The following SKAP1 variants were observed in gnomAD, a reference collection of about 807,000 sequenced individuals.
The protein encoded by SKAP1 is src kinase associated phosphoprotein 1, also known as src kinase-associated phosphoprotein 1.
In SKAP1, 44 loss-of-function variants were observed where a neutral mutation model predicts 58.5. That is an observed-to-expected ratio of 0.75 (90% confidence interval 0.59 to 0.97). The LOEUF is 0.97. Ranked by LOEUF, SKAP1 falls within the 50% of genes least tolerant of loss-of-function variation. The pLI, the probability that SKAP1 is intolerant of heterozygous loss-of-function variation, is 0.00. For missense variants in SKAP1, 390 were observed against 435.2 expected (o/e 0.90, Z 0.92); for synonymous variants, 127 against 149.7 (o/e 0.85, Z 1.11).
At chr17:48,346,143 T>C (rs557655945) in intron 3 of SKAP1, 137 bp from the exon 4 acceptor site, 2 of 506,626 alleles carry the variant, frequency 3.9e-6, no homozygotes, top group African/African-American at 4.0e-5. Flanking sequence ...ATGATGAACA[T>C]GGCCACTATC....
chr17:48,432,066 G>A (rs2067921922), upstream of SKAP1, among the ~76,000 whole-genome samples: 1 of 152,180 alleles, frequency 6.6e-6, no homozygotes, highest in African/African-American at 2.4e-5. Context: ...TGGGGTGAGG[G>A]GACAGAGGCT....
intron 3 of SKAP1, among the ~76,000 whole-genome samples, chr17:48,354,371 T>C (rs1205068473): frequency 6.6e-6 from 1 of 152,242 alleles, no homozygotes; most frequent in Non-Finnish European, 1.5e-5. Context: ...TATCTCTTTA[T>C]TTAAAAAAAT....
chr17:48,406,817 C>T (rs2067593197), intron 1 of SKAP1, among the ~76,000 whole-genome samples: 1 of 152,092 alleles, frequency 6.6e-6, no homozygotes, highest in Non-Finnish European at 1.5e-5. Flanking sequence ...CCGCCCGCCT[C>T]GGCCTCCCAA....
intron 4 of SKAP1, among the ~76,000 whole-genome samples, chr17:48,236,686 AAGAG>A (rs1336236439): frequency 6.6e-6 from 1 of 152,228 alleles, no homozygotes; most frequent in Non-Finnish European, 1.5e-5. Flanking sequence ...ATCTTGAAGG[AAGAG>A]AAGGAATTCA....
chr17:48,169,095 A>G (rs1473929095), intron 10 of SKAP1, among the ~76,000 whole-genome samples: 2 of 112,740 alleles, frequency 1.8e-5, no homozygotes, highest in Admixed American at 1.1e-4. Context: ...GGCAGGAAGC[A>G]TGAGGAACAA....
At chr17:48,240,078 A>G (rs2065228942) in intron 4 of SKAP1, among the ~76,000 whole-genome samples, 1 of 152,174 alleles carries the variant, frequency 6.6e-6, no homozygotes, top group Non-Finnish European at 1.5e-5. Flanking sequence ...TCTGATAAAG[A>G]TTCTCAGAAT....
chr17:48,342,822 A>T (rs867992082), intron 4 of SKAP1, among the ~76,000 whole-genome samples: 83 of 152,218 alleles, frequency 5.5e-4, no homozygotes, highest in African/African-American at 1.9e-3. Context: ...CGTCTCTACT[A>T]AAAATACAAA....
At chr17:48,173,598 G>C (rs2064247135) in intron 9 of SKAP1, among the ~76,000 whole-genome samples, 1 of 152,202 alleles carries the variant, frequency 6.6e-6, no homozygotes, top group African/African-American at 2.4e-5. Flanking sequence ...ACAGAGAGCA[G>C]CTCTTTTGTT....
At chr17:48,188,741 G>A (rs1035650873) in intron 5 of SKAP1, among the ~76,000 whole-genome samples, 7 of 152,120 alleles carry the variant, frequency 4.6e-5, no homozygotes, top group African/African-American at 1.7e-4. Context: ...GCTCATGCCT[G>A]TAATCCCAGT....
At chr17:48,426,208 C>T (rs1185328445) in intron 1 of SKAP1, among the ~76,000 whole-genome samples, 3 of 152,214 alleles carry the variant, frequency 2.0e-5, no homozygotes, top group Non-Finnish European at 4.4e-5. Flanking sequence ...TGATTAATGA[C>T]TGCTTCTTTA....
At chr17:48,200,462 C>T (rs1001053669) in intron 4 of SKAP1, among the ~76,000 whole-genome samples, 1 of 151,580 alleles carries the variant, frequency 6.6e-6, no homozygotes, top group Non-Finnish European at 1.5e-5. Flanking sequence ...CTGCAACCTC[C>T]GCCTCCCAGG....
At chr17:48,309,898 T>C (rs925165327) in intron 4 of SKAP1, among the ~76,000 whole-genome samples, 1 of 152,168 alleles carries the variant, frequency 6.6e-6, no homozygotes, top group Non-Finnish European at 1.5e-5. Flanking sequence ...TATGTTGGCC[T>C]TGCACCTTTA....
At chr17:48,395,081 G>A (rs2067398553) in intron 2 of SKAP1, among the ~76,000 whole-genome samples, 1 of 152,090 alleles carries the variant, frequency 6.6e-6, no homozygotes, top group African/African-American at 2.4e-5. Flanking sequence ...AAAGTTCTTT[G>A]AGAACAAGAA....
intron 4 of SKAP1, among the ~76,000 whole-genome samples, chr17:48,204,987 TTC>T (rs2064782364): frequency 1.9e-5 from 1 of 52,850 alleles, no homozygotes; most frequent in Non-Finnish European, 3.6e-5. Context: ...CTTTCTTTCT[TTC>T]TTTCTTTCTT....
At chr17:48,140,832 G>A (rs1276131105) in intron 11 of SKAP1, among the ~76,000 whole-genome samples, 1 of 149,152 alleles carries the variant, frequency 6.7e-6, no homozygotes, top group African/African-American at 2.5e-5. Flanking sequence ...AGGCTGCAGT[G>A]CAGTGGTGTG....
intron 4 of SKAP1, among the ~76,000 whole-genome samples, chr17:48,309,712 G>A (rs1405459929): frequency 3.3e-5 from 5 of 152,112 alleles, no homozygotes; most frequent in African/African-American, 1.2e-4. Flanking sequence ...AAGGAGAAGA[G>A]TATGACATTT....
intron 4 of SKAP1, among the ~76,000 whole-genome samples, chr17:48,315,029 C>T (rs1319294055): frequency 1.3e-5 from 2 of 152,258 alleles, no homozygotes; most frequent in East Asian, 3.9e-4. Flanking sequence ...AATAGGATGC[C>T]TATACTGTGA....
chr17:48,261,018 T>G (rs2065478823), intron 4 of SKAP1, among the ~76,000 whole-genome samples: 1 of 152,202 alleles, frequency 6.6e-6, no homozygotes, highest in Admixed American at 6.5e-5. Flanking sequence ...ATTTAATCAC[T>G]CCCTCTCCTG....
intron 11 of SKAP1, among the ~76,000 whole-genome samples, chr17:48,138,583 T>A (rs2144567986): frequency 6.6e-6 from 1 of 152,252 alleles, no homozygotes; most frequent in South Asian, 2.1e-4. Flanking sequence ...TTGGCCTTGA[T>A]GGTCTTGAAC....
Sources: allele counts gnomAD v4.1 joint callset (sites outside exome capture counted in the v4.1 genomes callset), GRCh38; gene constraint gnomAD v4.1.1; transcripts MANE v1.5; gene names NCBI Gene and HGNC (gene_info 2026-07-23, HGNC 2026-07-21).